BMERB1: variants seen among roughly 807,000 people sequenced by gnomAD.
BMERB1 encodes the protein bMERB domain containing 1, also known as bMERB domain-containing protein 1.
Under a neutral mutation model 23.6 loss-of-function variants are expected in BMERB1, and 12 were observed. The ratio of observed to expected loss-of-function variants is 0.51; its 90% CI spans 0.33 to 0.82. BMERB1 has a LOEUF of 0.82. Ranked by LOEUF, BMERB1 falls within the 40% of genes least tolerant of loss-of-function variation. The pLI, the probability that BMERB1 is intolerant of heterozygous loss-of-function variation, is 0.03. For missense variants in BMERB1, 247 were observed against 255.4 expected (o/e 0.97, Z 0.22); for synonymous variants, 122 against 96.6 (o/e 1.26, Z -1.54).
intron 2 of BMERB1, among the ~76,000 whole-genome samples, chr16:15,542,064 CTTTT>C (rs1462459265): frequency 7.8e-6 from 1 of 127,842 alleles, no homozygotes. Context: ...GACCACCTGT[CTTTT>C]TTTTTTTTTT....
chr16:15,572,666 C>T (rs573037730), intron 3 of BMERB1, among the ~76,000 whole-genome samples: 2 of 152,270 alleles, frequency 1.3e-5, no homozygotes, highest in South Asian at 4.2e-4. Context: ...ACTAGAAACC[C>T]CAATGCAATT....
intron 1 of BMERB1, among the ~76,000 whole-genome samples, chr16:15,465,355 T>TA (rs72469210): frequency 0.11 from 1,951 of 17,254 alleles, 25 homozygotes; most frequent in East Asian, 0.44. Context: ...AGATATATAT[T>TA]TTTTTTTTTT....
At chr16:15,523,212 G>A (rs867755382) in intron 2 of BMERB1, among the ~76,000 whole-genome samples, 1 of 152,182 alleles carries the variant, frequency 6.6e-6, no homozygotes, top group African/African-American at 2.4e-5. Flanking sequence ...TTCTGCCAGC[G>A]TGTTCCTCTT....
intron 2 of BMERB1, among the ~76,000 whole-genome samples, chr16:15,554,833 A>AT (rs57078583): frequency 0.013 from 1,918 of 151,634 alleles, 36 homozygotes; most frequent in African/African-American, 0.044. Context: ...CGCCCGGCTG[A>AT]TTTTTTGTAT....
chr16:15,445,795 G>A (rs1322921849), intron 1 of BMERB1, among the ~76,000 whole-genome samples: 1 of 152,146 alleles, frequency 6.6e-6, no homozygotes, highest in African/African-American at 2.4e-5. Flanking sequence ...ACAGAAATGA[G>A]AGCAAGTGTC....
At chr16:15,491,856 C>G (rs1012736749) in intron 1 of BMERB1, among the ~76,000 whole-genome samples, 5 of 152,212 alleles carry the variant, frequency 3.3e-5, no homozygotes, top group African/African-American at 1.2e-4. Context: ...CAATCACTGT[C>G]TACCCCCGTA....
At chr16:15,447,530 A>G (rs969518720) in intron 1 of BMERB1, among the ~76,000 whole-genome samples, 3 of 152,314 alleles carry the variant, frequency 2.0e-5, no homozygotes, top group Middle Eastern at 3.4e-3. Context: ...TCAAAGGCTA[A>G]TTAAGAAGAT....
At chr16:15,526,717 T>G (rs572787765) in intron 2 of BMERB1, among the ~76,000 whole-genome samples, 365 of 145,914 alleles carry the variant, frequency 2.5e-3, no homozygotes, top group Non-Finnish European at 4.6e-3. Context: ...GCTTCATATA[T>G]GGGTGGTAAA....
intron 1 of BMERB1, among the ~76,000 whole-genome samples, chr16:15,489,172 A>G (rs1598467565): frequency 6.6e-6 from 1 of 152,172 alleles, no homozygotes; most frequent in African/African-American, 2.4e-5. Context: ...ACACCTGGGT[A>G]GGGTAAGCCC....
Position 15,520,120 on chromosome 16 carries a change from A to G in BMERB1, c.230+4692A>G, listed in dbSNP as rs1022708724. Among the ~76,000 whole-genome samples, 6 of 152,066 alleles carry G rather than the reference A, an allele frequency of 3.9e-5. No individual in the cohort carries two copies. The East Asian group carries it at 1.2e-3, about 29-fold the overall frequency. ...CAATAGAGTAAGTTCTATCTCTTTT[A>G]TTTTATGAATGAGGAAATTGAGGTC... On this transcript the variant is annotated intron_variant, in intron 2 of 5. Coordinates refer to ENST00000300006, the MANE Select transcript of BMERB1 (RefSeq NM_033201.3).
intron 4 of BMERB1, among the ~76,000 whole-genome samples, chr16:15,582,925 G>A (rs954083967): frequency 1.3e-5 from 2 of 152,126 alleles, no homozygotes; most frequent in Non-Finnish European, 2.9e-5. Flanking sequence ...CTGCCCTGGG[G>A]TCACATACCT....
intron 3 of BMERB1, among the ~76,000 whole-genome samples, chr16:15,579,047 T>C (rs1041502517): frequency 5.9e-5 from 9 of 152,060 alleles, no homozygotes; most frequent in African/African-American, 2.2e-4. Context: ...AATGCCTCTA[T>C]TGGTGAGTGA....
At chr16:15,555,348 A>G (rs2030224165) in intron 2 of BMERB1, among the ~76,000 whole-genome samples, 1 of 152,220 alleles carries the variant, frequency 6.6e-6, no homozygotes, top group African/African-American at 2.4e-5. Context: ...CTGGGATTAC[A>G]GGCATGAGCC....
rs553780066 is a variant in BMERB1 at position 15,501,469 on chromosome 16, TTTGTTGTTC to T, written c.107-13820_107-13812del. 6.7e-4 allele frequency among the ~76,000 whole-genome samples: 102 copies of T among 151,832 alleles called. 4 individuals are homozygous for T. The South Asian group carries it at 0.018, about 27-fold the overall frequency. On this transcript the variant is annotated intron_variant, in intron 1 of 5. Coordinates refer to ENST00000300006, the MANE Select transcript of BMERB1 (RefSeq NM_033201.3). ...CACCATGCCCAGTTAATTTTTTTTG[TTTGTTGTTC>T]TTGTTGTTCTTGTTGAGACAGAGTC...
At chr16:15,531,010 A>G (rs1216142424) in intron 2 of BMERB1, among the ~76,000 whole-genome samples, 2 of 148,176 alleles carry the variant, frequency 1.3e-5, no homozygotes, top group African/African-American at 5.0e-5. Flanking sequence ...GGTTCAAGCA[A>G]TTATTCGCCT....
chr16:15,586,709 T>C lies in BMERB1; in HGVS notation c.503-8T>C, dbSNP rs765210216. On this transcript the variant is annotated splice_region_variant and splice_polypyrimidine_tract_variant and intron_variant, in intron 5 of 5. Transcript: ENST00000300006. ...TCCCCCTCTCCCTGTGCCCACATCT[T>C]GCTGCAGGCTCCCGGGCAGAGAAGA... The C allele has an allele frequency of 8.7e-6, 14 of 1,601,492 alleles. No individual in the cohort carries two copies. Among genetic ancestry groups the C allele is most frequent in the Admixed American group, 1.7e-5 (1 of 57,786 alleles).
chr16:15,436,478 C>G (rs148103826), intron 1 of BMERB1, among the ~76,000 whole-genome samples: 1 of 151,990 alleles, frequency 6.6e-6, no homozygotes, highest in East Asian at 1.9e-4. Flanking sequence ...AGGCTGGTCC[C>G]GAACTCCTGA....
intron 1 of BMERB1, among the ~76,000 whole-genome samples, chr16:15,504,662 A>C (rs887138833): frequency 6.6e-6 from 1 of 152,072 alleles, no homozygotes; most frequent in African/African-American, 2.4e-5. Context: ...TCTGTTGCCC[A>C]GGCTGGTCTT....
intron 2 of BMERB1, among the ~76,000 whole-genome samples, chr16:15,566,970 G>T (rs2030583797): frequency 6.6e-6 from 1 of 151,924 alleles, no homozygotes; most frequent in South Asian, 2.1e-4. Context: ...ATTGCTTGAA[G>T]CCAGGAATCC....
Sources: allele counts gnomAD v4.1 joint callset (sites outside exome capture counted in the v4.1 genomes callset), GRCh38; gene constraint gnomAD v4.1.1; transcripts MANE v1.5; gene names NCBI Gene and HGNC (gene_info 2026-07-23, HGNC 2026-07-21).